Variants in RAB40A observed in about 807,000 individuals in gnomAD.
The protein encoded by RAB40A is RAB40A, member RAS oncogene family, also known as ras-related protein Rab-40A.
For synonymous variants in RAB40A, 65 were observed against 99.9 expected, an observed-to-expected ratio of 0.65 and a Z score of 2.08; for missense variants, 145 against 230.2, an observed-to-expected ratio of 0.63 and a Z score of 2.40.
intron 2 of RAB40A, among the ~76,000 whole-genome samples, chrX:103,514,934 T>C (rs17340328): frequency 0.17 from 19,089 of 111,628 alleles, 1,457 homozygotes; most frequent in East Asian, 0.44. Flanking sequence ...ACTCTGTATG[T>C]ATGCATCATA....
chrX:103,512,004 G>A (rs2073293095), intron 2 of RAB40A, among the ~76,000 whole-genome samples: 1 of 111,011 alleles, frequency 9.0e-6, no homozygotes, highest in African/African-American at 3.3e-5. Context: ...AGAGACTGGA[G>A]TGATGTCCCT....
intron 2 of RAB40A, chrX:103,503,394 T>G (rs960523252): frequency 5.3e-6 from 4 of 753,765 alleles, no homozygotes; most frequent in Non-Finnish European, 6.3e-6. Context: ...TGCCCTGCTG[T>G]CTGTGAGGGA....
chrX:103,495,570 A>T (rs1433783479), downstream of RAB40A, among the ~76,000 whole-genome samples: 1 of 111,429 alleles, frequency 9.0e-6, no homozygotes, highest in Non-Finnish European at 1.9e-5. Context: ...CTTGTTTTTG[A>T]CATTTTATAT....
Position 103,500,111 on chromosome X carries a change from T to C in RAB40A, c.646A>G (p.Ser216Gly), listed in dbSNP as rs2073214398. 2.5e-6 allele frequency: 3 copies of C among 1,210,570 alleles called. No individual in the cohort carries two copies. In the East Asian group the frequency reaches 8.9e-5, roughly 36 times the overall value. Residue 216 changes from serine to glycine, a missense_variant, in exon 3 of 3, where the codon AGT (serine) becomes GGT (glycine). Coordinates refer to ENST00000304236, the MANE Select transcript of RAB40A (RefSeq NM_080879.3). ...VHLVDKLPLP[S>G]TLRSHLKSFS... ...GACTTGAGGTGGCTTCTTAAGGTAC[T>C]GGGGAGCGGGAGCTTGTCCACCAGA...
At chrX:103,503,476 T>G (rs2073239474) in intron 2 of RAB40A, 1 of 752,170 alleles carries the variant, frequency 1.3e-6, no homozygotes, top group Non-Finnish European at 1.6e-6. Flanking sequence ...CCATGTAGAT[T>G]TGGAGTCCAC....
downstream of RAB40A, among the ~76,000 whole-genome samples, chrX:103,498,060 A>C (rs1468330883): frequency 2.7e-5 from 3 of 112,216 alleles, no homozygotes; most frequent in East Asian, 8.4e-4. Flanking sequence ...GAAACCATTC[A>C]GGATTCCAGT....
rs1180895 is a variant in RAB40A, at chrX:103,500,623, T to C, written c.134A>G (p.His45Arg). Reference sequence around the variant, plus strand: ...CGTCTTGTAGTCGATCCCCCCGAGATGGCTGTACGGGGACTCAGCTGCACC... The same window carrying C: ...CGTCTTGTAGTCGATCCCCCCGAGACGGCTGTACGGGGACTCAGCTGCACC... ...QDGAAESPYS[H>R]LGGIDYKTTT... is the part of the protein sequence containing the mutation. The change falls in exon 3 of 3, where the codon CAT becomes CGT. Residue 45 changes from histidine to arginine, a missense_variant. Coordinates refer to ENST00000304236, the MANE Select transcript of RAB40A (RefSeq NM_080879.3). The C allele has an allele frequency of 4.1e-6, 5 of 1,207,070 alleles. No homozygotes were observed. The highest frequency in any genetic ancestry group is 5.6e-6 in the Non-Finnish European group (5 of 894,103).
chrX:103,495,440 G>A (rs1298102405), downstream of RAB40A, among the ~76,000 whole-genome samples: 3 of 110,767 alleles, frequency 2.7e-5, no homozygotes, highest in Admixed American at 1.9e-4. Flanking sequence ...GGACTTCATC[G>A]TTGAGTTTTA....
At chrX:103,496,366 A>G (rs1440033467), downstream of RAB40A, among the ~76,000 whole-genome samples, 1 of 112,376 alleles carries the variant, frequency 8.9e-6, no homozygotes, top group African/African-American at 3.2e-5. Context: ...GAAACATTCC[A>G]AAAGGAATTC....
intron 1 of RAB40A, among the ~76,000 whole-genome samples, chrX:103,518,161 G>T (rs1296489428): frequency 9.0e-6 from 1 of 111,344 alleles, no homozygotes; most frequent in Non-Finnish European, 1.9e-5. Context: ...CACCAGTGTA[G>T]AATATGTCAC....
intron 2 of RAB40A, among the ~76,000 whole-genome samples, chrX:103,507,522 C>T (rs2073262547): frequency 9.1e-6 from 1 of 110,344 alleles, no homozygotes; most frequent in Non-Finnish European, 1.9e-5. Flanking sequence ...TAGATACTGC[C>T]AGCGTTGAAG....
chrX:103,496,836 A>ATCTT (rs777820648), downstream of RAB40A, among the ~76,000 whole-genome samples: 2 of 112,642 alleles, frequency 1.8e-5, no homozygotes, highest in South Asian at 7.3e-4. Context: ...TTGCAATATA[A>ATCTT]TCTTTGTCTA....
intron 1 of RAB40A, among the ~76,000 whole-genome samples, chrX:103,518,579 C>T (rs938150913): frequency 1.8e-5 from 2 of 111,034 alleles, no homozygotes; most frequent in Admixed American, 9.7e-5. Context: ...AAGGGGCTCT[C>T]GCTGGACAAA....
rs2073218398 is a variant in RAB40A, at chrX:103,500,453, A to C, written c.304T>G (p.Phe102Val). The C allele has an allele frequency of 8.3e-7, 1 of 1,208,090 alleles. No individual in the cohort carries two copies. Among genetic ancestry groups the C allele is most frequent in the African/African-American group, 1.8e-5 (1 of 56,692 alleles). ...LVYDIANRWS[F>V]EGMDRWIKKI... Reference sequence around the variant, plus strand: ...TTAATCCATCGATCCATACCCTCGAAAGACCAGCGGTTTGCAATGTCGTAG... The same window carrying C: ...TTAATCCATCGATCCATACCCTCGACAGACCAGCGGTTTGCAATGTCGTAG... Residue 102 changes from phenylalanine (F) to valine (V), a missense_variant, in exon 3 of 3, where the codon TTC becomes GTC. Transcript: ENST00000304236.
chrX:103,504,342 TAAAAG>T (rs199588664), intron 2 of RAB40A, among the ~76,000 whole-genome samples: 1,578 of 110,966 alleles, frequency 0.014, 24 homozygotes, highest in African/African-American at 0.039. Context: ...AGCTGAAACT[TAAAAG>T]AGAAGAACAT....
At chrX:103,516,143 A>G (rs1185776281) in intron 2 of RAB40A, among the ~76,000 whole-genome samples, 1 of 112,065 alleles carries the variant, frequency 8.9e-6, no homozygotes, top group Non-Finnish European at 1.9e-5. Context: ...AAGCTGGACT[A>G]ATTTCATAGT....
chrX:103,493,510 A>C, the RAB40A span, among the ~76,000 whole-genome samples: 1 of 111,286 alleles, frequency 9.0e-6, no homozygotes, highest in Non-Finnish European at 1.9e-5. Context: ...TGTGCTACCA[A>C]GTACTAGGTC....
chrX:103,500,050 A>G lies in RAB40A; in HGVS notation c.707T>C (p.Met236Thr). Residue 236 changes from methionine to threonine, a missense_variant, in exon 3 of 3, where the codon ATG becomes ACG. Transcript: ENST00000304236. ...GGTGAGGGAGTAGGAGAGGCCTCGC[A>G]TCATCCTGGCATTCAGGCCCTTAGC... ...SMAKGLNARM[M>T]RGLSYSLTTS... 5 of 1,212,209 alleles carry G rather than the reference A, an allele frequency of 4.1e-6. No individual in the cohort carries two copies. Among genetic ancestry groups the G allele is most frequent in the Non-Finnish European group, 5.6e-6 (5 of 895,569 alleles).
chrX:103,512,309 GT>G (rs369215990), intron 2 of RAB40A, among the ~76,000 whole-genome samples: 4,919 of 103,818 alleles, frequency 0.047, 297 homozygotes, highest in African/African-American at 0.16. Context: ...TTGGTTAGCT[GT>G]TTTTTTTTTT....
Sources: allele counts gnomAD v4.1 joint callset (sites outside exome capture counted in the v4.1 genomes callset), GRCh38; gene constraint gnomAD v4.1.1; transcripts MANE v1.5; gene names NCBI Gene and HGNC (gene_info 2026-07-23, HGNC 2026-07-21).